The following PIEZO1 variants were observed in gnomAD, a reference collection of about 807,000 sequenced individuals.
The protein encoded by PIEZO1 is piezo-type mechanosensitive ion channel component 1.
In PIEZO1, 296 loss-of-function variants were observed where a neutral mutation model predicts 297.2. That is an observed-to-expected ratio of 1.00 (90% CI 0.91 to 1.10). The LOEUF is 1.10. Ranked by LOEUF, PIEZO1 falls within the 50% of genes least tolerant of loss-of-function variation. The pLI is 0.00. For synonymous variants in PIEZO1, 2,427 were observed against 1,507.5 expected (o/e 1.61, Z -14.13); for missense variants, 5,018 against 3,455.5 (o/e 1.45, Z -11.34).
chr16:88,720,370 C>T lies in PIEZO1; in HGVS notation c.5949+15G>A. ...GCTCTGCGTACACTGGGTTTGGGTC[C>T]CGGGCCTGGCTCACCCCAAAGGCCC... On this transcript the variant is annotated intron_variant, in intron 41 of 50. Coordinates refer to ENST00000301015, the MANE Select transcript of PIEZO1 (RefSeq NM_001142864.4). The T allele has an allele frequency of 6.5e-7, 1 of 1,550,282 alleles. No individual in the cohort carries two copies. The highest frequency in any genetic ancestry group is 8.7e-7 in the Non-Finnish European group (1 of 1,146,912).
At chr16:88,757,327 T>TGGGGGGGGGGGGGGGGGGGGGGGGGG (rs200851830) in intron 1 of PIEZO1, among the ~76,000 whole-genome samples, 1 of 42,698 alleles carries the variant, frequency 2.3e-5, no homozygotes, top group African/African-American at 6.5e-5. Context: ...GGCGGGGGGG[T>TGGGGGGGGGGGGGGGGGGGGGGGGGG]GGGGGGTAGT....
rs187377357 is a variant in PIEZO1, at chr16:88,725,833, G to A, written c.3969-149C>T. ...GGCACCCACGGGGGAGGCATCTGCTGCCCCCACCCTCCGTGCTGTCTGCGG... is the reference window on the plus strand; with the variant it reads ...GGCACCCACGGGGGAGGCATCTGCTACCCCCACCCTCCGTGCTGTCTGCGG... On this transcript the variant is annotated intron_variant, in intron 27 of 50. Coordinates refer to ENST00000301015, the MANE Select transcript of PIEZO1 (RefSeq NM_001142864.4). 75 of 621,746 alleles carry A rather than the reference G, an allele frequency of 1.2e-4. 1 individual carries two copies. Among genetic ancestry groups the A allele is most frequent in the Non-Finnish European group, 1.3e-4 (44 of 340,896 alleles). The allele number at this position is 621,746 out of a possible 1,614,324, so 38.5% of individuals were successfully genotyped here. A position where few individuals can be genotyped will look rare whatever the true frequency, so the allele number is the denominator to read the frequency against.
At chr16:88,784,239 C>T (rs1700641972) in intron 1 of PIEZO1, among the ~76,000 whole-genome samples, 1 of 152,230 alleles carries the variant, frequency 6.6e-6, no homozygotes, top group Non-Finnish European at 1.5e-5. Context: ...TCCCCCAGAC[C>T]AGGGCAGAGG....
intron 1 of PIEZO1, among the ~76,000 whole-genome samples, chr16:88,774,668 C>T (rs1907577594): frequency 6.6e-6 from 1 of 152,160 alleles, no homozygotes; most frequent in Non-Finnish European, 1.5e-5. Flanking sequence ...GAAGAAGGGC[C>T]GACCAGACAA....
intron 2 of PIEZO1, among the ~76,000 whole-genome samples, chr16:88,749,049 ATC>A (rs1567683011): frequency 4.0e-5 from 6 of 151,426 alleles, no homozygotes; most frequent in South Asian, 2.1e-4. Context: ...CATCCTGGCT[ATC>A]ACGGTGAAAC....
chr16:88,739,908 T>A (rs1174209342), intron 5 of PIEZO1: 3 of 152,264 alleles, frequency 2.0e-5, no homozygotes, highest in Non-Finnish European at 4.4e-5. Flanking sequence ...TGAGCATTTC[T>A]GGGAGTGGAA....
In PIEZO1 at chr16:88,715,506, G is replaced by T; in HGVS notation, c.*99C>A. On this transcript the variant is annotated 3_prime_UTR_variant, in exon 51 of 51. Transcript: ENST00000301015. The stretch of plus-strand genomic sequence containing the variant: ...AGGATGCATCACAGCTGGCGGCCTT[G>T]GACGGGGCAGTGGCTCCCCCGGCCT... 7.9e-7 allele frequency: 1 copy of T among 1,273,406 alleles called. No individual in the cohort carries two copies. Among genetic ancestry groups the T allele is most frequent in the African/African-American group, 1.5e-5 (1 of 68,186 alleles). The allele number at this position is 1,273,406 out of a possible 1,614,324, so 78.9% of individuals were successfully genotyped here.
chr16:88,731,463 A>C, intron 22 of PIEZO1: 2 of 544,014 alleles, frequency 3.7e-6, no homozygotes, highest in Non-Finnish European at 6.5e-6. Context: ...GAAATATTTC[A>C]AGATAGAATA....
intron 1 of PIEZO1, among the ~76,000 whole-genome samples, chr16:88,752,144 A>G (rs1906422146): frequency 6.6e-6 from 1 of 152,230 alleles, no homozygotes; most frequent in African/African-American, 2.4e-5. Context: ...CAACAATGCG[A>G]ACATGCTTAC....
rs1419449303 is a variant in PIEZO1, at chr16:88,722,906, G to C, written c.4599C>G (p.Thr1533=). Reference sequence around the variant, plus strand: ...CGTCGCTCATGGTGCCGTGGTGCCGGGTGAACTCCTGCAGCCAGCGTGTCA... The same window carrying C: ...CGTCGCTCATGGTGCCGTGGTGCCGCGTGAACTCCTGCAGCCAGCGTGTCA... ...DELTRWLQEF[T]RHHGTMSDVL... The change falls in exon 34 of 51, where the codon ACC becomes ACG. Residue 1533 remains threonine, a synonymous_variant. Transcript: ENST00000301015. The C allele has an allele frequency of 6.5e-7, 1 of 1,549,322 alleles. No homozygotes were observed. Among genetic ancestry groups the C allele is most frequent in the South Asian group, 1.2e-5 (1 of 84,064 alleles).
At chr16:88,728,227 G>T (rs550179897) in intron 22 of PIEZO1, among the ~76,000 whole-genome samples, 1 of 152,388 alleles carries the variant, frequency 6.6e-6, no homozygotes, top group East Asian at 1.9e-4. Context: ...GGGGCCTGCT[G>T]GGGAGGGAGC....
chr16:88,722,391 C>A lies in PIEZO1; in HGVS notation c.4782G>T (p.Leu1594=). The change falls in exon 36 of 51, where the codon CTG becomes CTT. Residue 1594 remains leucine (L), a synonymous_variant. Transcript: ENST00000301015. ...PNAPSTVSSG[L]GAEEPLSSMT... is the part of the protein sequence containing the mutation. Reference sequence around the variant, plus strand: ...TGCTGCTGAGTGGCTCCTCCGCGCCCAGCCCACTGGGGAGGGAAGCCGAGT... The same window carrying A: ...TGCTGCTGAGTGGCTCCTCCGCGCCAAGCCCACTGGGGAGGGAAGCCGAGT... The A allele has an allele frequency of 6.7e-7, 1 of 1,501,170 alleles. No individual in the cohort carries two copies. Among genetic ancestry groups the A allele is most frequent in the Non-Finnish European group, 8.9e-7 (1 of 1,120,860 alleles). 93.0% of individuals were successfully genotyped at this position (1,501,170 alleles called of 1,614,324 possible). A position where few individuals can be genotyped will look rare whatever the true frequency, so the allele number is the denominator to read the frequency against.
chr16:88,755,875 T>C (rs190571996), intron 1 of PIEZO1, among the ~76,000 whole-genome samples: 1 of 152,202 alleles, frequency 6.6e-6, no homozygotes, highest in Non-Finnish European at 1.5e-5. Context: ...GGAGTCAACC[T>C]GGCCAGCAGA....
At chr16:88,754,921 C>T (rs1011785773) in intron 1 of PIEZO1, among the ~76,000 whole-genome samples, 6 of 152,364 alleles carry the variant, frequency 3.9e-5, no homozygotes, top group South Asian at 2.1e-4. Flanking sequence ...TCCCGCTCCA[C>T]GCCTGCACAG....
rs1033364623 is a variant in PIEZO1 at position 88,715,543 on chromosome 16, C to T, written c.*62G>A. The T allele has an allele frequency of 1.3e-6, 2 of 1,486,496 alleles. No individual in the cohort carries two copies. The highest frequency in any genetic ancestry group is 1.2e-5 in the South Asian group (1 of 81,274). The allele number at this position is 1,486,496 out of a possible 1,614,324, so 92.1% of individuals were successfully genotyped here. On this transcript the variant is annotated 3_prime_UTR_variant, in exon 51 of 51. Transcript: ENST00000301015. ...GGCTCCCCCGGCCTGAGGAGTGCCG[C>T]CCCTTGTGGCCACGCTGCCCAGCAG...
chr16:88,724,340 G>A (rs919323575), intron 30 of PIEZO1, among the ~76,000 whole-genome samples: 9 of 152,336 alleles, frequency 5.9e-5, no homozygotes, highest in African/African-American at 1.9e-4. Flanking sequence ...AGACCAGCCT[G>A]GCCAATATGG....
intron 1 of PIEZO1, among the ~76,000 whole-genome samples, chr16:88,780,198 G>A (rs1268472871): frequency 2.0e-5 from 3 of 152,150 alleles, no homozygotes; most frequent in African/African-American, 2.4e-5. Context: ...GGACTCAACC[G>A]CCAAGGAGAG....
chr16:88,725,534 G>C lies in PIEZO1; in HGVS notation c.4059-15C>G, dbSNP rs997330043. ...TACGCTCCATCCTGTGGTGGGGAAA[G>C]GTGGGGTATGCTGAGCATTGGGGGG... On this transcript the variant is annotated splice_polypyrimidine_tract_variant and intron_variant, in intron 28 of 50. Coordinates refer to ENST00000301015, the MANE Select transcript of PIEZO1 (RefSeq NM_001142864.4). 1.8e-5 allele frequency: 27 copies of C among 1,537,374 alleles called. No individual in the cohort carries two copies. In the Admixed American group the frequency reaches 4.8e-4, roughly 27 times the overall value.
chr16:88,768,723 G>C (rs1907289939), intron 1 of PIEZO1, among the ~76,000 whole-genome samples: 2 of 152,174 alleles, frequency 1.3e-5, no homozygotes, highest in African/African-American at 4.8e-5. Context: ...TGAGGGGCTG[G>C]CTGACCGTCC....
Sources: gnomAD v4.1 joint callset for allele counts (sites outside exome capture counted in the v4.1 genomes callset) on GRCh38, gnomAD v4.1.1 for gene constraint, MANE v1.5 for transcripts, NCBI Gene and HGNC (gene_info 2026-07-23, HGNC 2026-07-21) for gene names.